ZNF521: variants seen among roughly 807,000 people sequenced by gnomAD.
ZNF521 encodes the protein zinc finger protein 521.
A neutral mutation model predicts 105.5 loss-of-function variants in ZNF521; 14 were observed. That is an observed-to-expected ratio of 0.13 (90% CI 0.09 to 0.21). ZNF521 has a LOEUF of 0.21. Ranked by LOEUF, ZNF521 falls within the 10% of genes least tolerant of loss-of-function variation. The pLI is 1.00. For missense variants in ZNF521, 1,233 were observed against 1,629.7 expected (o/e 0.76, Z 4.19); for synonymous variants, 635 against 606.0 (o/e 1.05, Z -0.70).
chr18:25,217,463 G>T (rs920938633), intron 4 of ZNF521, among the ~76,000 whole-genome samples: 2 of 152,102 alleles, frequency 1.3e-5, no homozygotes, highest in Non-Finnish European at 2.9e-5. Context: ...GGTGTAGAGT[G>T]GTTCCCTTTA....
intron 2 of ZNF521, among the ~76,000 whole-genome samples, chr18:25,343,004 T>G (rs1053461310): frequency 2.0e-5 from 3 of 152,208 alleles, no homozygotes; most frequent in African/African-American, 7.2e-5. Flanking sequence ...TTTTTTAGAT[T>G]CCAGGTCACA....
In ZNF521 at chr18:25,225,834, A is replaced by T. The variant is rs998997398; in HGVS notation, c.2084T>A (p.Ile695Asn). The T allele has an allele frequency of 2.5e-6, 4 of 1,614,102 alleles. No individual in the cohort carries two copies. Among genetic ancestry groups the T allele is most frequent in the Non-Finnish European group, 3.4e-6 (4 of 1,180,040 alleles). ...IHFMITSTYY[I>N]CESCDKQFTS... Reference sequence around the variant, plus strand: ...GAATTGCTTGTCACAACTCTCACAGATGTAATACGTTGAAGTGATCATAAA... The same window carrying T: ...GAATTGCTTGTCACAACTCTCACAGTTGTAATACGTTGAAGTGATCATAAA... The change falls in exon 4 of 8, where the codon ATC becomes AAC. Residue 695 changes from isoleucine (I) to asparagine (N), a missense_variant. This residue lies in a region of ZNF521 where 614 missense variants were observed against 751.5 expected (regional missense o/e 0.82). Transcript: ENST00000361524. This position sits in a 1 kb window ranked among gnomAD's most constrained non-coding sequence, Gnocchi z 5.6.
chr18:25,308,133 C>T (rs1912080573), intron 3 of ZNF521, among the ~76,000 whole-genome samples: 3 of 132,468 alleles, frequency 2.3e-5, no homozygotes, highest in South Asian at 2.6e-4. Flanking sequence ...ACCCGGCAGG[C>T]GGAGGTTGCA....
intron 3 of ZNF521, among the ~76,000 whole-genome samples, chr18:25,235,551 T>C (rs1047295944): frequency 6.6e-6 from 1 of 152,230 alleles, no homozygotes; most frequent in African/African-American, 2.4e-5. Flanking sequence ...CAAAGCAGCA[T>C]CTGGTCTAAC....
At chr18:25,163,061 A>G (rs565183730) in intron 5 of ZNF521, among the ~76,000 whole-genome samples, 5 of 152,338 alleles carry the variant, frequency 3.3e-5, no homozygotes, top group Admixed American at 6.5e-5. Context: ...AGAAGAGACT[A>G]TAATTCAGGA....
At chr18:25,137,012 G>C (rs546806146) in intron 5 of ZNF521, among the ~76,000 whole-genome samples, 1 of 152,198 alleles carries the variant, frequency 6.6e-6, no homozygotes, top group Non-Finnish European at 1.5e-5. Context: ...ATCCTCCTCT[G>C]TCTCCTTGTA....
intron 7 of ZNF521, among the ~76,000 whole-genome samples, chr18:25,071,812 T>C (rs2033231673): frequency 6.6e-6 from 1 of 152,100 alleles, no homozygotes; most frequent in Non-Finnish European, 1.5e-5. Context: ...AGAGACAGGG[T>C]GCTCTAGGAC....
intron 7 of ZNF521, among the ~76,000 whole-genome samples, chr18:25,072,642 G>C (rs770749170): frequency 8.5e-5 from 13 of 152,178 alleles, no homozygotes; most frequent in Non-Finnish European, 1.8e-4. Flanking sequence ...GAATTGAGCT[G>C]TCTGTTTCCA....
At chr18:25,191,053 C>T (rs2035809277) in intron 5 of ZNF521, among the ~76,000 whole-genome samples, 1 of 152,130 alleles carries the variant, frequency 6.6e-6, no homozygotes, top group African/African-American at 2.4e-5. Context: ...AATGCTTTAA[C>T]ATTACACTTG....
chr18:25,326,431 T>TC (rs1156733319), intron 2 of ZNF521, among the ~76,000 whole-genome samples: 1 of 152,216 alleles, frequency 6.6e-6, no homozygotes, highest in African/African-American at 2.4e-5. Context: ...TTTCTGCAGC[T>TC]CAGTGGTAAA....
At chr18:25,074,226 C>A (rs2033303537) in intron 7 of ZNF521, among the ~76,000 whole-genome samples, 1 of 152,200 alleles carries the variant, frequency 6.6e-6, no homozygotes, top group Admixed American at 6.5e-5. Context: ...CTTTCTGTCT[C>A]TCTGGGGACT....
chr18:25,115,626 C>G (rs925325270), intron 5 of ZNF521, among the ~76,000 whole-genome samples: 6 of 152,106 alleles, frequency 3.9e-5, no homozygotes, highest in Non-Finnish European at 7.4e-5. Flanking sequence ...ATAATGCTTC[C>G]CATTCTCATA....
chr18:25,229,990 C>T (rs540877167), intron 3 of ZNF521, among the ~76,000 whole-genome samples: 2 of 152,280 alleles, frequency 1.3e-5, no homozygotes, highest in East Asian at 3.9e-4. Flanking sequence ...TAACACCAGG[C>T]TTAATTCAGG....
chr18:25,117,075 AC>A lies in ZNF521; in HGVS notation c.3659-24995del, dbSNP rs1167868520. The stretch of plus-strand genomic sequence containing the variant: ...TATATACACACACACACACACACAC[AC>A]ACACACATACACACATCCTTAATTA... On this transcript the variant is annotated intron_variant, in intron 5 of 7. Coordinates refer to ENST00000361524, the MANE Select transcript of ZNF521 (RefSeq NM_015461.3). Among the ~76,000 whole-genome samples, 121 of 15,574 alleles carry A rather than the reference AC, an allele frequency of 7.8e-3. 2 individuals carry two copies. Among genetic ancestry groups the A allele is most frequent in the Middle Eastern group, 0.033 (1 of 30 alleles). 10.2% of individuals were successfully genotyped at this position (15,574 alleles called of 152,430 possible).
rs1750269470 is a variant in ZNF521 at position 25,213,272 on chromosome 18, ATGCT to A, written c.3573+11069_3573+11072del. On this transcript the variant is annotated intron_variant, in intron 4 of 7. Coordinates refer to ENST00000361524, the MANE Select transcript of ZNF521 (RefSeq NM_015461.3). ...TGGTTATATGTAACTATTATTTATAATGCTTGCTTAAGATAATATTTTAAAAAGT... is the reference window on the plus strand; with the variant it reads ...TGGTTATATGTAACTATTATTTATAATGCTTAAGATAATATTTTAAAAAGT... Among the ~76,000 whole-genome samples the A allele has an allele frequency of 4.7e-5, 7 of 149,772 alleles. No individual in the cohort carries two copies. In the South Asian group the frequency reaches 1.0e-3, roughly 22 times the overall value.
chr18:25,067,476 C>A (rs1341734407), intron 7 of ZNF521, among the ~76,000 whole-genome samples: 1 of 152,176 alleles, frequency 6.6e-6, no homozygotes, highest in African/African-American at 2.4e-5. Flanking sequence ...TTGGGCTTGG[C>A]ACTCTAACAA....
At chr18:25,255,809 GCA>G in intron 3 of ZNF521, among the ~76,000 whole-genome samples, 1 of 151,896 alleles carries the variant, frequency 6.6e-6, no homozygotes, top group South Asian at 2.1e-4. Context: ...AGAAATGAAA[GCA>G]CAGTCTCAAA....
intron 3 of ZNF521, among the ~76,000 whole-genome samples, chr18:25,318,912 TA>T (rs1912782420): frequency 6.7e-6 from 1 of 150,246 alleles, no homozygotes. Context: ...TCTTGGTTTC[TA>T]AATACCTTTG....
intron 2 of ZNF521, among the ~76,000 whole-genome samples, chr18:25,350,508 G>A (rs762081823): frequency 3.3e-5 from 5 of 152,140 alleles, no homozygotes; most frequent in Non-Finnish European, 5.9e-5. Context: ...AGCACCGCAC[G>A]GTTTTGCATA....
Sources: allele counts gnomAD v4.1 joint callset (sites outside exome capture counted in the v4.1 genomes callset), GRCh38; gene constraint gnomAD v4.1.1; regional missense constraint gnomAD v4.1.1; non-coding constraint Gnocchi (gnomAD v3.1); transcripts MANE v1.5; gene names NCBI Gene and HGNC (gene_info 2026-07-23, HGNC 2026-07-21).